CSGALNACT2: variants seen among roughly 807,000 people sequenced by gnomAD.
CSGALNACT2 encodes beta 4 GalNAcT-2.
CSGALNACT2 carries 35 observed loss-of-function variants against 55.3 expected under a neutral mutation model. The ratio of observed to expected loss-of-function variants is 0.63; its 90% confidence interval spans 0.48 to 0.84. The LOEUF (loss-of-function observed/expected upper bound fraction) is 0.84. Among genes scored for constraint, CSGALNACT2 ranks in the 40% least tolerant of loss-of-function variants. CSGALNACT2 has a pLI of 0.00. For synonymous variants in CSGALNACT2, 196 were observed against 224.9 expected, an observed-to-expected ratio of 0.87 and a Z score of 1.15; for missense variants, 544 against 657.5, an observed-to-expected ratio of 0.83 and a Z score of 1.89.
intron 5 of CSGALNACT2, among the ~76,000 whole-genome samples, chr10:43,165,450 GTAGCAAAACA>G (rs1839244293): frequency 6.6e-6 from 1 of 151,908 alleles, no homozygotes; most frequent in African/African-American, 2.4e-5. Context: ...GTGTATGAAT[GTAGCAAAACA>G]TAATGTTGTA....
chr10:43,161,761 A>T (rs1200499963), intron 4 of CSGALNACT2, among the ~76,000 whole-genome samples: 2 of 152,150 alleles, frequency 1.3e-5, no homozygotes, highest in South Asian at 2.1e-4. Flanking sequence ...TCTTTTACTT[A>T]TTCTTTGCCT....
In CSGALNACT2 at chr10:43,163,936, G is replaced by A. The variant is rs775076615; in HGVS notation, c.1051G>A (p.Val351Met). Residue 351 changes from valine (V) to methionine (M), a missense_variant, in exon 5 of 8, where the codon GTG becomes ATG. This residue lies in a region of CSGALNACT2 where 170 missense variants were observed against 256.2 expected (regional missense o/e 0.66). Transcript: ENST00000374466. The stretch of plus-strand genomic sequence containing the variant: ...ATTTAATCGTGGACGAGGACTAAAT[G>A]TGGGTGCCCGAGCTTGGGACAAGGG... ...EEFNRGRGLN[V>M]GARAWDKGEV... 4 of 1,614,068 alleles carry A rather than the reference G, an allele frequency of 2.5e-6. No individual in the cohort carries two copies. Among genetic ancestry groups the A allele is most frequent in the Admixed American group, 3.3e-5 (2 of 60,004 alleles).
At chr10:43,160,854 CT>C (rs1363435980) in intron 4 of CSGALNACT2, among the ~76,000 whole-genome samples, 2 of 152,082 alleles carry the variant, frequency 1.3e-5, no homozygotes, top group East Asian at 1.9e-4. Flanking sequence ...TGCTGCTTTC[CT>C]TTTTTTAAAA....
intron 6 of CSGALNACT2, among the ~76,000 whole-genome samples, chr10:43,167,384 AGCTT>A (rs1839290035): frequency 6.6e-6 from 1 of 152,192 alleles, no homozygotes; most frequent in African/African-American, 2.4e-5. Context: ...CATTTCTACC[AGCTT>A]ATTTTTACTA....
intron 1 of CSGALNACT2, among the ~76,000 whole-genome samples, chr10:43,146,410 A>G (rs989469361): frequency 1.3e-5 from 2 of 151,956 alleles, no homozygotes; most frequent in African/African-American, 4.8e-5. Flanking sequence ...GCTTTATTCT[A>G]CCCCCGCTGG....
At chr10:43,164,586 C>G (rs184373126) in intron 5 of CSGALNACT2, among the ~76,000 whole-genome samples, 1 of 152,308 alleles carries the variant, frequency 6.6e-6, no homozygotes, top group South Asian at 2.1e-4. Flanking sequence ...CAGGGGCTCA[C>G]GCCTATAATC....
chr10:43,169,419 A>C (rs1839341611), intron 6 of CSGALNACT2, among the ~76,000 whole-genome samples: 2 of 152,270 alleles, frequency 1.3e-5, no homozygotes, highest in Admixed American at 1.3e-4. Flanking sequence ...TGAGGAGATT[A>C]GAGAAAATGT....
At chr10:43,159,793 T>C (rs1411846034) in intron 3 of CSGALNACT2, among the ~76,000 whole-genome samples, 3 of 152,260 alleles carry the variant, frequency 2.0e-5, no homozygotes, top group African/African-American at 7.2e-5. Context: ...GCTTTTTGAT[T>C]TAACAGTTTC....
intron 1 of CSGALNACT2, among the ~76,000 whole-genome samples, chr10:43,142,053 G>A (rs1838639539): frequency 6.6e-6 from 1 of 152,152 alleles, no homozygotes; most frequent in Non-Finnish European, 1.5e-5. Context: ...TTTATCACAT[G>A]TATTTATTTT....
chr10:43,156,383 G>T (rs1237603675), intron 2 of CSGALNACT2, among the ~76,000 whole-genome samples: 1 of 152,188 alleles, frequency 6.6e-6, no homozygotes, highest in Non-Finnish European at 1.5e-5. Flanking sequence ...GATGGGATGT[G>T]ACTCAGAGGT....
Position 43,183,478 on chromosome 10 carries a change from G to A in CSGALNACT2, c.1565G>A (p.Arg522Lys). 1.2e-6 allele frequency: 2 copies of A among 1,614,112 alleles called. No individual in the cohort carries two copies. Among genetic ancestry groups the A allele is most frequent in the African/African-American group, 1.3e-5 (1 of 75,030 alleles). ...TCCCACCTGGGAATGCTGGTCTTCA[G>A]GGAGGAAATAGAGACGCATCTTCAT... Reference protein sequence around the residue: ...SHSHLGMLVFREEIETHLHKQ... With the variant: ...SHSHLGMLVFKEEIETHLHKQ... Residue 522 changes from arginine (R) to lysine (K), a missense_variant, in exon 8 of 8, where the codon AGG (arginine) becomes AAG (lysine). By Grantham distance (26) the Arg-to-Lys change is conservative (BLOSUM62 2). Coordinates refer to ENST00000374466, the MANE Select transcript of CSGALNACT2 (RefSeq NM_018590.5).
At position 43,155,148 on chromosome 10, in the gene CSGALNACT2, G is replaced by C. The variant is rs551414299; in HGVS notation, c.-2G>C. 6.2e-7 allele frequency: 1 copy of C among 1,607,568 alleles called. No individual in the cohort carries two copies. Among genetic ancestry groups the C allele is most frequent in the South Asian group, 1.1e-5 (1 of 90,750 alleles). On this transcript the variant is annotated 5_prime_UTR_variant, in exon 2 of 8. Transcript: ENST00000374466. ...TTGTTAGGCAAATACACATTAATAA[G>C]AATGCCTAGAAGAGGACTGATTCTT...
At chr10:43,145,265 A>G (rs1042959337) in intron 1 of CSGALNACT2, among the ~76,000 whole-genome samples, 3 of 152,248 alleles carry the variant, frequency 2.0e-5, no homozygotes, top group Admixed American at 6.5e-5. Context: ...AGACTTCTAT[A>G]GGATGAACAA....
intron 1 of CSGALNACT2, among the ~76,000 whole-genome samples, chr10:43,146,446 G>A (rs551754486): frequency 6.6e-6 from 1 of 152,344 alleles, no homozygotes; most frequent in Non-Finnish European, 1.5e-5. Context: ...TGCCCAACCA[G>A]ATTGAGTGTG....
intron 2 of CSGALNACT2, 81 bp downstream of exon 2, chr10:43,155,891 T>C (rs1838997274): frequency 8.7e-7 from 1 of 1,153,246 alleles, no homozygotes; most frequent in Non-Finnish European, 1.2e-6. Flanking sequence ...ATTGTAGTAT[T>C]GTACTGTAGA....
chr10:43,143,397 A>G (rs892206216), intron 1 of CSGALNACT2, among the ~76,000 whole-genome samples: 1 of 152,040 alleles, frequency 6.6e-6, no homozygotes, highest in Non-Finnish European at 1.5e-5. Context: ...TTTATATAGT[A>G]GTATGGATAC....
chr10:43,174,677 A>G (rs1480296512), intron 6 of CSGALNACT2, among the ~76,000 whole-genome samples: 1 of 152,204 alleles, frequency 6.6e-6, no homozygotes, highest in East Asian at 1.9e-4. Context: ...CTTTTGGTAC[A>G]TACCACAGTA....
At chr10:43,175,243 G>A (rs1179843671) in intron 6 of CSGALNACT2, among the ~76,000 whole-genome samples, 3 of 152,168 alleles carry the variant, frequency 2.0e-5, no homozygotes, top group African/African-American at 2.4e-5. Context: ...ACACAACTAC[G>A]TTCCACTAAA....
intron 4 of CSGALNACT2, chr10:43,163,280 C>G: frequency 1.1e-6 from 1 of 912,014 alleles, no homozygotes; most frequent in Non-Finnish European, 1.3e-6. Context: ...TGAACTCCTA[C>G]TCTATCAGGG....
Sources: gnomAD v4.1 joint callset for allele counts (sites outside exome capture counted in the v4.1 genomes callset) on GRCh38, gnomAD v4.1.1 for gene constraint, gnomAD v4.1.1 regional missense constraint, MANE v1.5 for transcripts, NCBI Gene and HGNC (gene_info 2026-07-23, HGNC 2026-07-21) for gene names.